Variants in TTF2 observed in about 807,000 individuals in gnomAD.
TTF2 encodes transcription termination factor 2.
In TTF2, 108 loss-of-function variants were observed where a neutral mutation model predicts 142.4. The ratio of observed to expected loss-of-function variants is 0.76; its 90% CI spans 0.65 to 0.89. The LOEUF (loss-of-function observed/expected upper bound fraction) is 0.89, where lower values mean the gene tolerates loss of function less well. Among genes scored for constraint, TTF2 ranks in the 40% least tolerant of loss-of-function variants. The pLI, the probability that TTF2 is intolerant of heterozygous loss-of-function variation, is 0.00. For synonymous variants in TTF2, 483 were observed against 506.2 expected, an observed-to-expected ratio of 0.95 and a Z score of 0.61; for missense variants, 1,327 against 1,379.8, an observed-to-expected ratio of 0.96 and a Z score of 0.61.
Position 117,067,823 on chromosome 1 carries a change from A to G in TTF2, c.218+5350A>G, listed in dbSNP as rs79123598. Among the ~76,000 whole-genome samples, 1,451 of 152,244 alleles carry G rather than the reference A, an allele frequency of 9.5e-3. 27 individuals carry two copies. Among genetic ancestry groups the G allele is most frequent in the African/African-American group, 0.032 (1,315 of 41,532 alleles). ...AAATATTTTACATCCTCTAATTAAT[A>G]CTATTATGTTTGGCTGAATGTAGTC... is the stretch of plus-strand genomic sequence containing the variant. On this transcript the variant is annotated intron_variant, in intron 3 of 22. Coordinates refer to ENST00000369466, the MANE Select transcript of TTF2 (RefSeq NM_003594.4).
In TTF2 at chr1:117,075,238, A is replaced by G; in HGVS notation, c.654A>G (p.Glu218=). Residue 218 remains glutamate (E), a synonymous_variant, in exon 5 of 23, where the codon GAA becomes GAG. Transcript: ENST00000369466. The surrounding 1 kb of genome is among the most constrained non-coding windows in gnomAD (Gnocchi z 4.5). Reference sequence around the variant, plus strand: ...GCACACACAAAAGAGACTTTTCTGAAATTAAATCTCAACAGTGCCAAGGTA... The same window carrying G: ...GCACACACAAAAGAGACTTTTCTGAGATTAAATCTCAACAGTGCCAAGGTA... The part of the protein sequence containing the change: ...TGGTHKRDFS[E]IKSQQCQGNE... The G allele has an allele frequency of 6.2e-7, 1 of 1,614,218 alleles. No individual in the cohort carries two copies. The highest frequency in any genetic ancestry group is 8.5e-7 in the Non-Finnish European group (1 of 1,180,036).
chr1:117,078,113 A>G, intron 8 of TTF2, 70 bp downstream of exon 8: 1 of 1,568,730 alleles, frequency 6.4e-7, no homozygotes. Flanking sequence ...AACTGCTGGC[A>G]GAGAGACTTT....
chr1:117,098,809 T>G (rs1295693017), intron 21 of TTF2, 24 bp from the exon 22 acceptor site: 3 of 1,608,584 alleles, frequency 1.9e-6, no homozygotes, highest in Non-Finnish European at 2.5e-6. Context: ...TCAGTTCCTT[T>G]GAGCTTTAGC....
In TTF2 at chr1:117,079,701, C is replaced by A; in HGVS notation, c.1783+52C>A. 1 of 1,523,590 alleles carries A rather than the reference C, an allele frequency of 6.6e-7. No homozygotes were observed. The highest frequency in any genetic ancestry group is 9.1e-7 in the Non-Finnish European group (1 of 1,097,362). 94.4% of individuals were successfully genotyped at this position (1,523,590 alleles called of 1,614,324 possible). A position where few individuals can be genotyped will look rare whatever the true frequency, so the allele number is the denominator to read the frequency against. On this transcript the variant is annotated intron_variant, in intron 9 of 22. Coordinates refer to ENST00000369466, the MANE Select transcript of TTF2 (RefSeq NM_003594.4). This position sits in a 1 kb window ranked among gnomAD's most constrained non-coding sequence, Gnocchi z 4.2. The stretch of plus-strand genomic sequence containing the variant: ...CTTTATTGAATGCTTAGGCATTGTG[C>A]TAAACACGTAGTGTTGTTTCATTTA...
At position 117,079,748 on chromosome 1, in the gene TTF2, GGC is replaced by G; in HGVS notation, c.1783+100_1783+101del. 8.7e-7 allele frequency: 1 copy of G among 1,149,288 alleles called. No individual in the cohort carries two copies. The highest frequency in any genetic ancestry group is 1.3e-6 in the Non-Finnish European group (1 of 771,336). 71.2% of individuals were successfully genotyped at this position (1,149,288 alleles called of 1,614,324 possible). A position where few individuals can be genotyped will look rare whatever the true frequency, so the allele number is the denominator to read the frequency against. On this transcript the variant is annotated intron_variant, in intron 9 of 22. Transcript: ENST00000369466. This position sits in a 1 kb window ranked among gnomAD's most constrained non-coding sequence, Gnocchi z 4.2. The stretch of plus-strand genomic sequence containing the variant: ...TTTATTCCTCTCAAGAACTCTATGA[GGC>G]AGGTACTATTATTCCTCATTTTACA...
rs907301678 is a variant in TTF2 at position 117,090,521 on chromosome 1, T to A, written c.2497-11T>A. On this transcript the variant is annotated splice_polypyrimidine_tract_variant and intron_variant, in intron 14 of 22. Coordinates refer to ENST00000369466, the MANE Select transcript of TTF2 (RefSeq NM_003594.4). The surrounding 1 kb of genome is among the most constrained non-coding windows in gnomAD (Gnocchi z 4.8). Reference sequence around the variant, plus strand: ...ATAGCTTCATGCCAGCTTTTTTTTTTATTCTTCCAGGTGATACTGCCCCAG... The same window carrying A: ...ATAGCTTCATGCCAGCTTTTTTTTTAATTCTTCCAGGTGATACTGCCCCAG... 1.2e-6 allele frequency: 2 copies of A among 1,605,404 alleles called. No homozygotes were observed. The highest frequency in any genetic ancestry group is 1.7e-5 in the Admixed American group (1 of 58,274).
Position 117,060,350 on chromosome 1 carries a change from G to C in TTF2, c.4G>C (p.Glu2Gln). Residue 2 changes from glutamate (E) to glutamine (Q), a missense_variant, in exon 1 of 23, where the codon GAA becomes CAA. Physicochemically the swap from Glu to Gln is conservative, Grantham distance 29. Coordinates refer to ENST00000369466, the MANE Select transcript of TTF2 (RefSeq NM_003594.4). M[E>Q]EVRCPEHGTF... ...GGAACTTGGGGGACCCAGCGAAATG[G>C]AAGAAGTTAGGTGTCCAGAGCACGG... 1 of 1,597,564 alleles carries C rather than the reference G, an allele frequency of 6.3e-7. No individual in the cohort carries two copies. The highest frequency in any genetic ancestry group is 8.5e-7 in the Non-Finnish European group (1 of 1,172,142).
Position 117,079,421 on chromosome 1 carries a change from T to G in TTF2, c.1702-147T>G. ...GGTTACCCTTGAGAGAGGGTGCTGT[T>G]AAGGACTTCAAGGTGAAATGAACTG... On this transcript the variant is annotated intron_variant, in intron 8 of 22. Coordinates refer to ENST00000369466, the MANE Select transcript of TTF2 (RefSeq NM_003594.4). This position sits in a 1 kb window ranked among gnomAD's most constrained non-coding sequence, Gnocchi z 4.2. The G allele has an allele frequency of 1.4e-6, 1 of 722,516 alleles. No homozygotes were observed. Among genetic ancestry groups the G allele is most frequent in the South Asian group, 1.8e-5 (1 of 56,776 alleles). 44.8% of individuals were successfully genotyped at this position (722,516 alleles called of 1,614,324 possible).
At chr1:117,072,336 G>T (rs944614161) in intron 3 of TTF2, among the ~76,000 whole-genome samples, 1 of 150,328 alleles carries the variant, frequency 6.7e-6, no homozygotes, top group East Asian at 1.9e-4. Context: ...ACTTCACCCC[G>T]TAACTCCTGC....
chr1:117,088,946 T>G lies in TTF2; in HGVS notation c.2306T>G (p.Ile769Ser). 6.2e-7 allele frequency: 1 copy of G among 1,613,142 alleles called. No individual in the cohort carries two copies. Among genetic ancestry groups the G allele is most frequent in the South Asian group, 1.1e-5 (1 of 90,842 alleles). The change falls in exon 13 of 23, where the codon ATT becomes AGT. Residue 769 changes from isoleucine to serine, a missense_variant. Ile to Ser is a moderately radical substitution (Grantham distance 142). Transcript: ENST00000369466. ...CGTTGGGCTGTCACTGGAACCCCCA[T>G]TCAAAACAACTTATTGGATATGTAT... ...CARWAVTGTP[I>S]QNNLLDMYSL...
chr1:117,091,261 C>A, intron 15 of TTF2, 67 bp from the exon 16 acceptor site: 2 of 1,356,688 alleles, frequency 1.5e-6, no homozygotes, highest in South Asian at 2.8e-5. Context: ...GATCCCACTG[C>A]AGGCACAGTT....
At position 117,099,866 on chromosome 1, in the gene TTF2, TATAGTGATTATG is replaced by T. The variant is rs1455766420; in HGVS notation, c.3344+965_3344+976del. 6.6e-6 allele frequency among the ~76,000 whole-genome samples: 1 copy of T among 152,222 alleles called. No individual in the cohort carries two copies. Among genetic ancestry groups the T allele is most frequent in the Non-Finnish European group, 1.5e-5 (1 of 68,036 alleles). ...CCAATGACTTCCAGACTTTGCTAAA[TATAGTGATTATG>T]ATAGTCTTCCTATGCTCTCTTCTCT... On this transcript the variant is annotated intron_variant, in intron 22 of 22. Coordinates refer to ENST00000369466, the MANE Select transcript of TTF2 (RefSeq NM_003594.4). The surrounding 1 kb of genome is among the most constrained non-coding windows in gnomAD (Gnocchi z 4.3).
In TTF2 at chr1:117,076,097, G is replaced by T; in HGVS notation, c.1276-83G>T. On this transcript the variant is annotated intron_variant, in intron 5 of 22. Transcript: ENST00000369466. This position sits in a 1 kb window ranked among gnomAD's most constrained non-coding sequence, Gnocchi z 4.6. ...TTAAAAGACCATAATTTCAGAGTTT[G>T]GGTGTTTCAGGCTATTTTAATCTGA... 1 of 1,374,394 alleles carries T rather than the reference G, an allele frequency of 7.3e-7. No homozygotes were observed. The highest frequency in any genetic ancestry group is 1.3e-5 in the South Asian group (1 of 75,620). The allele number at this position is 1,374,394 out of a possible 1,614,324, so 85.1% of individuals were successfully genotyped here. A position where few individuals can be genotyped will look rare whatever the true frequency, so the allele number is the denominator to read the frequency against.
chr1:117,076,875 G>T lies in TTF2; in HGVS notation c.1573+52G>T. 1 of 1,527,006 alleles carries T rather than the reference G, an allele frequency of 6.5e-7. No individual in the cohort carries two copies. The highest frequency in any genetic ancestry group is 8.9e-7 in the Non-Finnish European group (1 of 1,127,466). The allele number at this position is 1,527,006 out of a possible 1,614,324, so 94.6% of individuals were successfully genotyped here. On this transcript the variant is annotated intron_variant, in intron 7 of 22. Transcript: ENST00000369466. This position sits in a 1 kb window ranked among gnomAD's most constrained non-coding sequence, Gnocchi z 4.6. ...GTGAATAGCCACCCCTGTGAGTTAC[G>T]TGCCACCCGGTACAGTAGTCACCTC...
Position 117,070,475 on chromosome 1 carries a change from C to T in TTF2, c.219-3186C>T, listed in dbSNP as rs1423970261. Among the ~76,000 whole-genome samples the T allele has an allele frequency of 1.3e-5, 2 of 152,132 alleles. No homozygotes were observed. Among genetic ancestry groups the T allele is most frequent in the Admixed American group, 6.5e-5 (1 of 15,282 alleles). ...AAAATACAGTATTATCTCATGGGACCACAGTTGTATGTGCCATCCACTGTT... is the reference window on the plus strand; with the variant it reads ...AAAATACAGTATTATCTCATGGGACTACAGTTGTATGTGCCATCCACTGTT... On this transcript the variant is annotated intron_variant, in intron 3 of 22. Transcript: ENST00000369466. The surrounding 1 kb of genome is among the most constrained non-coding windows in gnomAD (Gnocchi z 4.2).
intron 12 of TTF2, among the ~76,000 whole-genome samples, chr1:117,088,187 T>C (rs1430227229): frequency 6.6e-6 from 1 of 152,184 alleles, no homozygotes; most frequent in Admixed American, 6.5e-5. Context: ...ATTTGCAGGT[T>C]CAATGCCTGG....
At chr1:117,077,135 A>G (rs1163144291) in intron 7 of TTF2, among the ~76,000 whole-genome samples, 3 of 152,002 alleles carry the variant, frequency 2.0e-5, no homozygotes, top group Non-Finnish European at 4.4e-5. Context: ...AAAACATAGT[A>G]TGTGTAGGGT....
chr1:117,064,799 G>A (rs971764841), intron 3 of TTF2, among the ~76,000 whole-genome samples: 1 of 149,484 alleles, frequency 6.7e-6, no homozygotes, highest in South Asian at 2.1e-4. Context: ...GATTACAGGT[G>A]TGAGCTACTG....
Position 117,096,267 on chromosome 1 carries a change from G to A in TTF2, c.3154G>A (p.Val1052Ile), listed in dbSNP as rs186167602. ...SVNPKQRMDL[V>I]EAFNHSRGPQ... Reference sequence around the variant, plus strand: ...CAATCCCAAGCAGAGAATGGACTTGGTAGAGGCATTTAACCACTCCAGAGG... The same window carrying A: ...CAATCCCAAGCAGAGAATGGACTTGATAGAGGCATTTAACCACTCCAGAGG... Residue 1052 changes from valine (V) to isoleucine (I), a missense_variant, in exon 20 of 23, where the codon GTA becomes ATA. By Grantham distance (29) the Val-to-Ile change is conservative (BLOSUM62 3). Coordinates refer to ENST00000369466, the MANE Select transcript of TTF2 (RefSeq NM_003594.4). 6.2e-7 allele frequency: 1 copy of A among 1,614,120 alleles called. No individual in the cohort carries two copies. Among genetic ancestry groups the A allele is most frequent in the Non-Finnish European group, 8.5e-7 (1 of 1,180,022 alleles).
Sources: allele counts gnomAD v4.1 joint callset (sites outside exome capture counted in the v4.1 genomes callset), GRCh38; gene constraint gnomAD v4.1.1; non-coding constraint Gnocchi (gnomAD v3.1); transcripts MANE v1.5; gene names NCBI Gene and HGNC (gene_info 2026-07-23, HGNC 2026-07-21).